Variants in NLGN4Y observed in about 807,000 individuals in gnomAD.
NLGN4Y encodes neuroligin-4, Y-linked.
NLGN4Y carries 4 observed loss-of-function variants against 8.4 expected under a neutral mutation model. That is an observed-to-expected ratio of 0.48 (90% CI 0.23 to 1.09). The LOEUF is 1.09. NLGN4Y is among the 50% of genes least tolerant of loss of function. The pLI, the probability that NLGN4Y is intolerant of heterozygous loss-of-function variation, is 0.19. For synonymous variants in NLGN4Y, 35 were observed against 75.6 expected (o/e 0.46, Z 2.78); for missense variants, 90 against 192.3 (o/e 0.47, Z 3.15).
chrY:14,714,598 C>T lies in NLGN4Y; in HGVS notation c.473-4861C>T, dbSNP rs773099465. ...TTTACCATATGCAGAAACCTGAAAC[C>T]GGACCCTTTCCTTACACCTTACACA... is the stretch of plus-strand genomic sequence containing the variant. On this transcript the variant is annotated intron_variant, in intron 2 of 6. Transcript: ENST00000684976. Among the ~76,000 whole-genome samples, 43 of 32,766 alleles carry T rather than the reference C, an allele frequency of 1.3e-3. No individual in the cohort carries two copies. In the South Asian group the frequency reaches 0.03, roughly 23 times the overall value. The allele number at this position is 32,766 out of a possible 37,273, so 87.9% of individuals were successfully genotyped here.
chrY:14,604,932 T>C (rs755892367), intron 1 of NLGN4Y, among the ~76,000 whole-genome samples: 274 of 33,823 alleles, frequency 8.1e-3, no homozygotes, highest in Admixed American at 0.027. Context: ...GTTCATTTTT[T>C]TGTGTGTATT....
At position 14,702,367 on chromosome Y, in the gene NLGN4Y, G is replaced by T. The variant is rs780696253; in HGVS notation, c.473-17092G>T. On this transcript the variant is annotated intron_variant, in intron 2 of 6. Coordinates refer to ENST00000684976, the MANE Select transcript of NLGN4Y (RefSeq NM_001365588.1). ...GTGATGTTCCCCTTCCTGTGTCCAT[G>T]TGTTCTCATTGTTCAGTTCCCACCT... Among the ~76,000 whole-genome samples the T allele has an allele frequency of 9.6e-4, 30 of 31,337 alleles. No individual in the cohort carries two copies. The East Asian group carries it at 0.029, about 30-fold the overall frequency. 84.1% of individuals were successfully genotyped at this position (31,337 alleles called of 37,273 possible).
At chrY:14,587,955 G>T (rs754839877) in intron 1 of NLGN4Y, among the ~76,000 whole-genome samples, 1 of 33,159 alleles carries the variant, frequency 3.0e-5, no homozygotes, top group East Asian at 7.9e-4. Context: ...GCAGGTGGGG[G>T]GCAATGAAAG....
At chrY:14,707,505 G>T (rs2080886129) in intron 2 of NLGN4Y, among the ~76,000 whole-genome samples, 1 of 31,378 alleles carries the variant, frequency 3.2e-5, no homozygotes, top group African/African-American at 1.2e-4. Context: ...ACATCTTAGG[G>T]CAAATAAATG....
intron 3 of NLGN4Y, among the ~76,000 whole-genome samples, chrY:14,721,952 A>G: frequency 3.0e-5 from 1 of 33,407 alleles, no homozygotes; most frequent in Non-Finnish European, 7.4e-5. Flanking sequence ...CTAACTTTCT[A>G]TCATTACAAA....
At chrY:14,671,619 C>G in intron 2 of NLGN4Y, among the ~76,000 whole-genome samples, 1 of 31,437 alleles carries the variant, frequency 3.2e-5, no homozygotes, top group Non-Finnish European at 7.7e-5. Flanking sequence ...GGCCAAGGTG[C>G]GTGGATCACT....
intron 2 of NLGN4Y, among the ~76,000 whole-genome samples, chrY:14,713,665 T>C (rs2080906338): frequency 3.0e-5 from 1 of 33,720 alleles, no homozygotes; most frequent in African/African-American, 1.2e-4. Flanking sequence ...CAGTCTTGTC[T>C]GGAATTACTG....
intron 1 of NLGN4Y, among the ~76,000 whole-genome samples, chrY:14,612,548 C>T (rs2150503698): frequency 3.0e-5 from 1 of 33,644 alleles, no homozygotes; most frequent in Non-Finnish European, 7.4e-5. Context: ...ACAGTCAGGC[C>T]GCTCTGCTGC....
intron 1 of NLGN4Y, among the ~76,000 whole-genome samples, chrY:14,613,590 C>A (rs2080477166): frequency 3.0e-5 from 1 of 33,248 alleles, no homozygotes; most frequent in Non-Finnish European, 7.4e-5. Context: ...CCTCCCCAAG[C>A]CCCTCAGTGC....
At chrY:14,582,406 G>A (rs2080322394) in intron 1 of NLGN4Y, among the ~76,000 whole-genome samples, 1 of 32,998 alleles carries the variant, frequency 3.0e-5, no homozygotes, top group Non-Finnish European at 7.4e-5. Flanking sequence ...GAAAGATTGA[G>A]GCTGCAGTGA....
chrY:14,595,372 G>A, intron 1 of NLGN4Y, among the ~76,000 whole-genome samples: 1 of 32,776 alleles, frequency 3.1e-5, no homozygotes, highest in Non-Finnish European at 7.5e-5. Flanking sequence ...GGGGTAAGCT[G>A]AGGGGTCCTC....
intron 4 of NLGN4Y, among the ~76,000 whole-genome samples, chrY:14,781,444 G>A: frequency 6.0e-5 from 2 of 33,312 alleles, no homozygotes; most frequent in African/African-American, 1.2e-4. Flanking sequence ...GGGTGGGGAT[G>A]CTTCTTCTCT....
intron 4 of NLGN4Y, among the ~76,000 whole-genome samples, chrY:14,800,291 G>C: frequency 3.0e-5 from 1 of 32,991 alleles, no homozygotes; most frequent in South Asian, 6.8e-4. Context: ...TAATTGAAAG[G>C]CTGATAAACA....
At chrY:14,558,253 A>G (rs1048515754) in intron 1 of NLGN4Y, among the ~76,000 whole-genome samples, 6 of 33,541 alleles carry the variant, frequency 1.8e-4, no homozygotes, top group Non-Finnish European at 4.4e-4. Flanking sequence ...GAATTTACTG[A>G]TTCCACAAAC....
intron 2 of NLGN4Y, among the ~76,000 whole-genome samples, chrY:14,642,616 G>A (rs2080595329): frequency 3.0e-5 from 1 of 32,964 alleles, no homozygotes; most frequent in African/African-American, 1.2e-4. Context: ...AGGCCAGGAG[G>A]TTGAGGCTGC....
intron 1 of NLGN4Y, among the ~76,000 whole-genome samples, chrY:14,534,672 T>C (rs2080124745): frequency 9.0e-5 from 3 of 33,293 alleles, no homozygotes; most frequent in Non-Finnish European, 1.5e-4. Flanking sequence ...TGTTTATTTT[T>C]CCTATATTAA....
intron 1 of NLGN4Y, among the ~76,000 whole-genome samples, chrY:14,545,846 G>T: frequency 3.0e-5 from 1 of 33,411 alleles, no homozygotes; most frequent in East Asian, 7.8e-4. Context: ...TAGACATGAA[G>T]TCCTTGAGCC....
chrY:14,719,580 CT>C, intron 3 of NLGN4Y, 62 bp downstream of exon 3: 1 of 147,047 alleles, frequency 6.8e-6, no homozygotes, highest in South Asian at 9.6e-5. Flanking sequence ...CTATCTCTCT[CT>C]TTTTTTTATT....
intron 4 of NLGN4Y, among the ~76,000 whole-genome samples, chrY:14,742,524 C>A: frequency 3.1e-5 from 1 of 32,330 alleles, no homozygotes; most frequent in Non-Finnish European, 7.6e-5. Flanking sequence ...ATACACACAC[C>A]CCCTCATACT....
Sources: gnomAD v4.1 joint callset for allele counts (sites outside exome capture counted in the v4.1 genomes callset) on GRCh38, gnomAD v4.1.1 for gene constraint, MANE v1.5 for transcripts, NCBI Gene and HGNC (gene_info 2026-07-23, HGNC 2026-07-21) for gene names.